FOXN3: variants seen among roughly 807,000 people sequenced by gnomAD.
FOXN3 encodes forkhead box N3, also known as forkhead box protein N3.
A neutral mutation model predicts 38.4 loss-of-function variants in FOXN3; 7 were observed. The observed-to-expected ratio is 0.18, with a 90% CI of 0.10 to 0.34. The LOEUF is 0.34. FOXN3 is among the 10% of genes least tolerant of loss of function. FOXN3 has a pLI of 1.00. For missense variants in FOXN3, 456 were observed against 613.4 expected (o/e 0.74, Z 2.71); for synonymous variants, 230 against 242.2 (o/e 0.95, Z 0.47).
intron 1 of FOXN3, among the ~76,000 whole-genome samples, chr14:89,503,373 T>A (rs1024221769): frequency 6.6e-6 from 1 of 152,178 alleles, no homozygotes; most frequent in Non-Finnish European, 1.5e-5. Context: ...CATTTATTTT[T>A]AAAAAAACAT....
At chr14:89,393,151 G>C (rs1891003140) in intron 2 of FOXN3, among the ~76,000 whole-genome samples, 1 of 151,998 alleles carries the variant, frequency 6.6e-6, no homozygotes, top group Non-Finnish European at 1.5e-5. Context: ...ATGTTGGCCA[G>C]GCTGGTCTCG....
At chr14:89,496,412 T>C (rs1470191215) in intron 1 of FOXN3, among the ~76,000 whole-genome samples, 2 of 152,084 alleles carry the variant, frequency 1.3e-5, no homozygotes, top group African/African-American at 4.8e-5. Context: ...CTCAGCCTGC[T>C]CACTACACCC....
chr14:89,340,382 A>AT (rs1044985517), intron 3 of FOXN3, among the ~76,000 whole-genome samples: 13 of 152,162 alleles, frequency 8.5e-5, no homozygotes, highest in Admixed American at 2.0e-4. Flanking sequence ...GAAGATAAGG[A>AT]TTTTTTTTAA....
At chr14:89,564,471 A>C (rs1046675386) in intron 1 of FOXN3, among the ~76,000 whole-genome samples, 1 of 152,146 alleles carries the variant, frequency 6.6e-6, no homozygotes, top group African/African-American at 2.4e-5. Flanking sequence ...TGAAAGCTAC[A>C]TATCATCATC....
intron 3 of FOXN3, among the ~76,000 whole-genome samples, chr14:89,318,159 T>C (rs1198932260): frequency 7.5e-5 from 5 of 66,458 alleles, no homozygotes; most frequent in African/African-American, 2.7e-4. Flanking sequence ...TTCTTCTTCT[T>C]CTCTTTTTTT....
intron 4 of FOXN3, among the ~76,000 whole-genome samples, chr14:89,217,691 T>A (rs1052841006): frequency 3.3e-5 from 5 of 152,252 alleles, no homozygotes; most frequent in Admixed American, 3.3e-4. Context: ...TTAAAAATTA[T>A]ATTTAAAATA....
intron 4 of FOXN3, among the ~76,000 whole-genome samples, chr14:89,225,649 T>C (rs1450887414): frequency 6.6e-6 from 1 of 152,162 alleles, no homozygotes; most frequent in African/African-American, 2.4e-5. Context: ...ATATTTGAAC[T>C]AGATCTAGTC....
At chr14:89,264,884 G>A (rs1885921921) in intron 4 of FOXN3, among the ~76,000 whole-genome samples, 1 of 152,094 alleles carries the variant, frequency 6.6e-6, no homozygotes, top group Admixed American at 6.5e-5. Context: ...TCCTATCACT[G>A]CTGCAATAAT....
intron 2 of FOXN3, among the ~76,000 whole-genome samples, chr14:89,363,967 T>TATATATATATA (rs1890023534): frequency 2.0e-5 from 2 of 98,612 alleles, no homozygotes; most frequent in African/African-American, 5.3e-5. Flanking sequence ...TATATATATA[T>TATATATATATA]ATATATATAT....
intron 2 of FOXN3, among the ~76,000 whole-genome samples, chr14:89,358,765 CATT>C (rs1889337943): frequency 6.6e-6 from 1 of 152,200 alleles, no homozygotes. Context: ...GTGAGAAACA[CATT>C]ATTGTGCTTT....
chr14:89,326,832 A>G (rs1181511607), intron 3 of FOXN3, among the ~76,000 whole-genome samples: 3 of 152,222 alleles, frequency 2.0e-5, no homozygotes, highest in Non-Finnish European at 2.9e-5. Flanking sequence ...TAAGTGGCAT[A>G]AAGTAGGAAG....
chr14:89,578,852 G>C (rs1895686779), intron 1 of FOXN3, among the ~76,000 whole-genome samples: 1 of 151,852 alleles, frequency 6.6e-6, no homozygotes, highest in African/African-American at 2.4e-5. Context: ...TGATTTTTTT[G>C]TTTTGTTTTG....
intron 1 of FOXN3, among the ~76,000 whole-genome samples, chr14:89,499,794 G>A (rs1893758941): frequency 6.6e-6 from 1 of 152,164 alleles, no homozygotes; most frequent in Non-Finnish European, 1.5e-5. Context: ...TGTTCCCTGT[G>A]CCTCTTTTTC....
At position 89,549,273 on chromosome 14, in the gene FOXN3, TAA is replaced by T. The variant is rs11307365; in HGVS notation, c.-15+69753_-15+69754del. Among the ~76,000 whole-genome samples, 1,134 of 133,328 alleles carry T rather than the reference TAA, an allele frequency of 8.5e-3. 29 individuals carry two copies. In the East Asian group the frequency reaches 0.087, roughly 10 times the overall value. The allele number at this position is 133,328 out of a possible 152,430, so 87.5% of individuals were successfully genotyped here. On this transcript the variant is annotated intron_variant, in intron 1 of 6. Coordinates refer to the FOXN3 transcript ENST00000345097. ...TGGTAATTTTTAAAGTCCTTATCTG[TAA>T]AAAAAAAAAAAAAAAGAACATTTTC...
At chr14:89,593,041 G>A (rs530424485) in intron 1 of FOXN3, among the ~76,000 whole-genome samples, 2 of 149,746 alleles carry the variant, frequency 1.3e-5, no homozygotes, top group East Asian at 2.0e-4. Flanking sequence ...GAGGGAGGGA[G>A]GGAGGGAGGA....
intron 2 of FOXN3, among the ~76,000 whole-genome samples, chr14:89,374,882 C>T (rs1890427377): frequency 1.3e-5 from 2 of 150,618 alleles, no homozygotes; most frequent in African/African-American, 4.9e-5. Context: ...GAGGCTGAGG[C>T]AGGGGAATCG....
At chr14:89,467,960 GC>G (rs1432575960) in intron 1 of FOXN3, among the ~76,000 whole-genome samples, 2 of 150,876 alleles carry the variant, frequency 1.3e-5, no homozygotes, top group African/African-American at 4.9e-5. Flanking sequence ...TTTTCCTCCT[GC>G]CCTGAGCCCC....
In FOXN3 at chr14:89,360,767, TACC is replaced by T. The variant is rs1210016334; in HGVS notation, c.544-9962_544-9960del. The stretch of plus-strand genomic sequence containing the variant: ...CCACCTCCACCACCACCTCCACCAC[TACC>T]ACCTCCACCACCACCTCCACCACCA... On this transcript the variant is annotated intron_variant, in intron 2 of 5. Coordinates refer to ENST00000557258, the MANE Select transcript of FOXN3 (RefSeq NM_005197.4). 2.0e-3 allele frequency among the ~76,000 whole-genome samples: 36 copies of T among 17,802 alleles called. 3 individuals are homozygous for T. The highest frequency in any genetic ancestry group is 8.2e-3 in the South Asian group (3 of 368). 11.7% of individuals were successfully genotyped at this position (17,802 alleles called of 152,430 possible).
At chr14:89,179,032 C>A (rs921407779) in intron 5 of FOXN3, among the ~76,000 whole-genome samples, 8 of 152,132 alleles carry the variant, frequency 5.3e-5, no homozygotes, top group African/African-American at 1.9e-4. Context: ...CAGAGTATGT[C>A]TTTTTCATAA....
Sources: allele counts gnomAD v4.1 joint callset (sites outside exome capture counted in the v4.1 genomes callset), GRCh38; gene constraint gnomAD v4.1.1; transcripts MANE v1.5; gene names NCBI Gene and HGNC (gene_info 2026-07-23, HGNC 2026-07-21).